The following DNAH6 variants were observed in gnomAD, a reference collection of about 807,000 sequenced individuals.
DNAH6 encodes the protein dynein axonemal heavy chain 6.
DNAH6 carries 340 observed loss-of-function variants against 491.4 expected under a neutral mutation model. That is an observed-to-expected ratio of 0.69 (90% CI 0.63 to 0.76). The LOEUF (loss-of-function observed/expected upper bound fraction) is 0.76, where lower values mean the gene tolerates loss of function less well. Ranked by LOEUF, DNAH6 falls within the 30% of genes least tolerant of loss-of-function variation. DNAH6 has a pLI of 0.00. For synonymous variants in DNAH6, 1,603 were observed against 1,686.1 expected (o/e 0.95, Z 1.21); for missense variants, 4,443 against 4,972.2 (o/e 0.89, Z 3.20).
chr2:84,687,026 A>G (rs749771176), intron 44 of DNAH6, among the ~76,000 whole-genome samples: 18 of 152,186 alleles, frequency 1.2e-4, no homozygotes, highest in Non-Finnish European at 2.4e-4. Context: ...TAGTGAAGCT[A>G]CTTGGTTAAG....
chr2:84,528,596 C>T (rs1394162555), intron 3 of DNAH6, among the ~76,000 whole-genome samples: 1 of 151,970 alleles, frequency 6.6e-6, no homozygotes, highest in African/African-American at 2.4e-5. Flanking sequence ...GAAGAGGGCT[C>T]CCATGGACAT....
At chr2:84,682,492 C>T (rs1049792586) in intron 42 of DNAH6, among the ~76,000 whole-genome samples, 1 of 152,216 alleles carries the variant, frequency 6.6e-6, no homozygotes, top group Admixed American at 6.5e-5. Context: ...GAGTGCCTGC[C>T]TCTAGCTCCC....
At chr2:84,511,370 G>A in the DNAH6 span, among the ~76,000 whole-genome samples, 1 of 152,234 alleles carries the variant, frequency 6.6e-6, no homozygotes, top group Non-Finnish European at 1.5e-5. Context: ...GACTCTCCAA[G>A]CCATGCGCGG....
chr2:84,726,300 C>T (rs1025436612), intron 60 of DNAH6, among the ~76,000 whole-genome samples: 3 of 152,158 alleles, frequency 2.0e-5, no homozygotes, highest in Non-Finnish European at 4.4e-5. Context: ...CACCTCCCAC[C>T]TTTGCCCCTC....
At chr2:84,573,797 A>T (rs1558737704) in intron 12 of DNAH6, among the ~76,000 whole-genome samples, 1 of 152,108 alleles carries the variant, frequency 6.6e-6, no homozygotes, top group Admixed American at 6.5e-5. Flanking sequence ...TTATTTCAGG[A>T]TATTATGGAA....
chr2:84,784,298 A>ATTC (rs34033847), intron 65 of DNAH6, among the ~76,000 whole-genome samples: 3,763 of 152,088 alleles, frequency 0.025, 124 homozygotes, highest in African/African-American at 0.082. Context: ...TGAGGGGAGA[A>ATTC]TTTTCTCAGT....
At chr2:84,670,612 C>A (rs1056192726) in intron 39 of DNAH6, 137 bp downstream of exon 39, 17 of 668,158 alleles carry the variant, frequency 2.5e-5, no homozygotes, top group Non-Finnish European at 4.2e-5. Flanking sequence ...CTGTTCATGG[C>A]ATTTTTATGC....
In DNAH6 at chr2:84,797,308, A is replaced by G. The variant is rs915311189; in HGVS notation, c.11360-229A>G. Among the ~76,000 whole-genome samples, 5 of 152,236 alleles carry G rather than the reference A, an allele frequency of 3.3e-5. No individual in the cohort carries two copies. In the East Asian group the frequency reaches 9.6e-4, roughly 29 times the overall value. On this transcript the variant is annotated intron_variant, in intron 69 of 76. Transcript: ENST00000389394. ...TTCTCCGCATCTTTAAATGCGCTGG[A>G]GAAGGCATCTGACAAGTTAGGACAG...
chr2:84,734,201 G>A (rs1699350134), intron 62 of DNAH6, among the ~76,000 whole-genome samples: 1 of 143,910 alleles, frequency 6.9e-6, no homozygotes, highest in Non-Finnish European at 1.5e-5. Context: ...AGGCTGGAGT[G>A]CAGTGGCGAT....
intron 18 of DNAH6, among the ~76,000 whole-genome samples, chr2:84,602,257 A>T (rs1018664392): frequency 3.3e-5 from 5 of 152,048 alleles, no homozygotes; most frequent in African/African-American, 1.2e-4. Flanking sequence ...AATATTTCTT[A>T]TAGAGTATGT....
chr2:84,637,520 A>G (rs1688998090), intron 31 of DNAH6, 143 bp downstream of exon 31: 5 of 996,580 alleles, frequency 5.0e-6, no homozygotes, highest in Non-Finnish European at 6.8e-6. Context: ...TTGTTATCAC[A>G]TGGAATGTTA....
intron 62 of DNAH6, among the ~76,000 whole-genome samples, chr2:84,743,865 A>T (rs1672731063): frequency 6.6e-6 from 1 of 152,200 alleles, no homozygotes; most frequent in African/African-American, 2.4e-5. Context: ...CCATCTTCTA[A>T]TGCATATTTT....
chr2:84,514,385 T>G (rs1675452176), upstream of DNAH6, among the ~76,000 whole-genome samples: 1 of 152,218 alleles, frequency 6.6e-6, no homozygotes, highest in Non-Finnish European at 1.5e-5. Flanking sequence ...ATCTGTGGAA[T>G]AGGTATAATA....
At chr2:84,577,548 T>C (rs1378386153) in intron 13 of DNAH6, 140 bp downstream of exon 13, 3 of 640,652 alleles carry the variant, frequency 4.7e-6, no homozygotes, top group Non-Finnish European at 7.2e-6. Flanking sequence ...CCTTAATTTC[T>C]AAGAAAAGCT....
intron 52 of DNAH6, among the ~76,000 whole-genome samples, chr2:84,706,676 T>C (rs1027962982): frequency 6.6e-6 from 1 of 152,238 alleles, no homozygotes; most frequent in African/African-American, 2.4e-5. Context: ...TATTATGATT[T>C]ATTTTGTTGG....
intron 21 of DNAH6, 144 bp downstream of exon 21, chr2:84,607,239 A>G (rs1685859848): frequency 3.6e-6 from 3 of 844,938 alleles, no homozygotes; most frequent in Non-Finnish European, 5.4e-6. Context: ...TTTAGAATGT[A>G]AGGGAAATGC....
At chr2:84,541,022 T>C (rs746717074) in intron 4 of DNAH6, among the ~76,000 whole-genome samples, 33 of 152,326 alleles carry the variant, frequency 2.2e-4, no homozygotes, top group Non-Finnish European at 4.3e-4. Flanking sequence ...GTTTTCTTTT[T>C]GTTTCTTAAA....
At chr2:84,537,301 C>T (rs1042871507) in intron 4 of DNAH6, among the ~76,000 whole-genome samples, 28 of 151,964 alleles carry the variant, frequency 1.8e-4, no homozygotes, top group African/African-American at 6.0e-4. Context: ...TTTTGACTTC[C>T]CATAGTTCAG....
intron 33 of DNAH6, among the ~76,000 whole-genome samples, chr2:84,652,672 C>T (rs75362044): frequency 2.7e-3 from 412 of 152,060 alleles, no homozygotes; most frequent in African/African-American, 9.4e-3. Context: ...GTACTTTCAT[C>T]ACTTTATGTA....
Sources: allele counts gnomAD v4.1 joint callset (sites outside exome capture counted in the v4.1 genomes callset), GRCh38; gene constraint gnomAD v4.1.1; transcripts MANE v1.5; gene names NCBI Gene and HGNC (gene_info 2026-07-23, HGNC 2026-07-21).